PRKN: variants seen among roughly 807,000 people sequenced by gnomAD.
The protein encoded by PRKN is parkin RBR E3 ubiquitin protein ligase, also known as E3 ubiquitin-protein ligase parkin.
Under a neutral mutation model 59.5 loss-of-function variants are expected in PRKN, and 56 were observed. The observed-to-expected ratio is 0.94, with a 90% CI of 0.76 to 1.18. PRKN has a LOEUF of 1.18. Ranked by LOEUF, PRKN falls within the 50% of genes most tolerant of loss-of-function variation. The pLI, the probability that PRKN is intolerant of heterozygous loss-of-function variation, is 0.00. For missense variants in PRKN, 657 were observed against 596.4 expected, an observed-to-expected ratio of 1.10 and a Z score of -1.06; for synonymous variants, 250 against 222.1, an observed-to-expected ratio of 1.13 and a Z score of -1.12.
At chr6:161,872,735 G>T (rs1396468933) in intron 6 of PRKN, among the ~76,000 whole-genome samples, 1 of 152,044 alleles carries the variant, frequency 6.6e-6, no homozygotes, top group Admixed American at 6.6e-5. Flanking sequence ...CTGGGACTAG[G>T]ACTGTAACGG....
chr6:162,637,539 T>G (rs1178406712), intron 1 of PRKN, among the ~76,000 whole-genome samples: 1 of 152,106 alleles, frequency 6.6e-6, no homozygotes, highest in East Asian at 1.9e-4. Context: ...GGGCTCGACT[T>G]TGACCTTCAC....
intron 4 of PRKN, among the ~76,000 whole-genome samples, chr6:162,193,187 C>A (rs1280297315): frequency 6.6e-6 from 1 of 152,190 alleles, no homozygotes; most frequent in Non-Finnish European, 1.5e-5. Context: ...CTTTAATTAA[C>A]TGACATCATC....
intron 2 of PRKN, among the ~76,000 whole-genome samples, chr6:162,337,707 C>T (rs1414095510): frequency 6.6e-6 from 1 of 152,110 alleles, no homozygotes; most frequent in Non-Finnish European, 1.5e-5. Context: ...GCTGTGAGGA[C>T]ACCTGGGTCT....
At chr6:161,694,236 A>G (rs1785922739) in intron 7 of PRKN, among the ~76,000 whole-genome samples, 1 of 152,172 alleles carries the variant, frequency 6.6e-6, no homozygotes, top group South Asian at 2.1e-4. Flanking sequence ...TAATAGTAAT[A>G]ATAATAAGAA....
rs540585065 is a variant in PRKN at position 162,398,649 on chromosome 6, C to G, written c.171+44661G>C. On this transcript the variant is annotated intron_variant, in intron 2 of 11. Coordinates refer to ENST00000366898, the MANE Select transcript of PRKN (RefSeq NM_004562.3). Reference sequence around the variant, plus strand: ...AGGTGATCCACCCGCCTCAGCCTCCCAAAGTGCTGGGATTACAGGCGTGAG... The same window carrying G: ...AGGTGATCCACCCGCCTCAGCCTCCGAAAGTGCTGGGATTACAGGCGTGAG... Among the ~76,000 whole-genome samples the G allele has an allele frequency of 2.1e-3, 322 of 152,294 alleles. 1 individual carries two copies. Among genetic ancestry groups the G allele is most frequent in the African/African-American group, 7.5e-3 (312 of 41,562 alleles).
At chr6:162,010,501 AAT>A (rs1413620213) in intron 5 of PRKN, among the ~76,000 whole-genome samples, 2 of 44,302 alleles carry the variant, frequency 4.5e-5, no homozygotes, top group African/African-American at 1.1e-4. Flanking sequence ...TATATTATAT[AAT>A]ATATTATATT....
rs1428093307 is a variant in PRKN, at chr6:161,385,118, C to G, written c.1167+1676G>C. Among the ~76,000 whole-genome samples the G allele has an allele frequency of 6.6e-6, 1 of 152,028 alleles. No homozygotes were observed. The highest frequency in any genetic ancestry group is 1.5e-5 in the Non-Finnish European group (1 of 68,004). On this transcript the variant is annotated intron_variant, in intron 10 of 11. Coordinates refer to ENST00000366898, the MANE Select transcript of PRKN (RefSeq NM_004562.3). The surrounding 1 kb of genome is among the most constrained non-coding windows in gnomAD (Gnocchi z 4.9). ...CTAATTTTTGTATTTTTAGTAGAGA[C>G]GGGGTTTCACCATGTTGGCCAGGCT...
intron 2 of PRKN, among the ~76,000 whole-genome samples, chr6:162,274,315 T>C (rs1274007303): frequency 6.6e-6 from 1 of 151,994 alleles, no homozygotes; most frequent in African/African-American, 2.4e-5. Flanking sequence ...GCCTCCCCAG[T>C]AGCTGGGACA....
intron 7 of PRKN, among the ~76,000 whole-genome samples, chr6:161,664,513 C>A (rs893063185): frequency 6.7e-6 from 1 of 149,710 alleles, no homozygotes; most frequent in Non-Finnish European, 1.5e-5. Context: ...CTTTAAAATA[C>A]AGCCTAATAC....
chr6:162,716,877 GCTCT>G (rs1466249549), intron 1 of PRKN, among the ~76,000 whole-genome samples: 2 of 152,096 alleles, frequency 1.3e-5, no homozygotes, highest in Non-Finnish European at 2.9e-5. Flanking sequence ...TCAAGTTGTA[GCTCT>G]CTGTCATTCT....
chr6:162,431,981 G>T (rs1434408187), intron 2 of PRKN, among the ~76,000 whole-genome samples: 1 of 152,118 alleles, frequency 6.6e-6, no homozygotes, highest in Non-Finnish European at 1.5e-5. Flanking sequence ...ATCATTAGAA[G>T]AATTTCCCCC....
intron 6 of PRKN, among the ~76,000 whole-genome samples, chr6:161,861,593 T>A (rs985001542): frequency 7.5e-6 from 1 of 132,826 alleles, no homozygotes; most frequent in African/African-American, 3.0e-5. Context: ...AAAAGTAAAA[T>A]TTTTTTAAAA....
chr6:162,351,291 C>A (rs2128131150), intron 2 of PRKN, among the ~76,000 whole-genome samples: 1 of 152,260 alleles, frequency 6.6e-6, no homozygotes, highest in South Asian at 2.1e-4. Flanking sequence ...GACACTGCAG[C>A]AAAGAAGACA....
chr6:162,727,283 AGGGGCGAAGGTGAGGGGCGGCGGC>A lies in PRKN; in HGVS notation c.7+355_7+378del. The A allele has an allele frequency of 6.6e-3, 1,745 of 266,016 alleles. 12 individuals carry two copies. Among genetic ancestry groups the A allele is most frequent in the Non-Finnish European group, 7.9e-3 (1,137 of 144,288 alleles). 16.5% of individuals were successfully genotyped at this position (266,016 alleles called of 1,614,324 possible). On this transcript the variant is annotated intron_variant, in intron 1 of 11. Coordinates refer to ENST00000366898, the MANE Select transcript of PRKN (RefSeq NM_004562.3). ...CGCACCACAACCGGCCAGTGAGGTG[AGGGGCGAAGGTGAGGGGCGGCGGC>A]GGGGCGAAGGTGAGGGGCGGCGGCG...
At position 161,561,512 on chromosome 6, in the gene PRKN, C is replaced by T. The variant is rs928055677; in HGVS notation, c.933+7843G>A. Among the ~76,000 whole-genome samples the T allele has an allele frequency of 6.6e-6, 1 of 152,142 alleles. No homozygotes were observed. Among genetic ancestry groups the T allele is most frequent in the Non-Finnish European group, 1.5e-5 (1 of 68,028 alleles). On this transcript the variant is annotated intron_variant, in intron 8 of 11. Coordinates refer to ENST00000366898, the MANE Select transcript of PRKN (RefSeq NM_004562.3). The surrounding 1 kb of genome is among the most constrained non-coding windows in gnomAD (Gnocchi z 5.0). ...AGCAGTGAAAAATGACATCTTCCTT[C>T]GTGGAGCCATCATACTGCATCTCTC...
At chr6:162,031,283 A>G (rs966251673) in intron 5 of PRKN, among the ~76,000 whole-genome samples, 9 of 151,874 alleles carry the variant, frequency 5.9e-5, no homozygotes, top group Non-Finnish European at 1.3e-4. Flanking sequence ...AATATATGTT[A>G]TCATTCAAAT....
chr6:161,907,300 G>T, intron 6 of PRKN, among the ~76,000 whole-genome samples: 1 of 152,082 alleles, frequency 6.6e-6, no homozygotes, highest in South Asian at 2.1e-4. Flanking sequence ...AGGCAAAATC[G>T]TCAAGGGTTT....
chr6:162,425,384 G>A (rs1789184258), intron 2 of PRKN, among the ~76,000 whole-genome samples: 1 of 152,116 alleles, frequency 6.6e-6, no homozygotes, highest in African/African-American at 2.4e-5. Flanking sequence ...AGGGAGAGAA[G>A]CAATACACCC....
At chr6:162,444,955 A>G (rs1376636307) in intron 1 of PRKN, among the ~76,000 whole-genome samples, 1 of 152,206 alleles carries the variant, frequency 6.6e-6, no homozygotes, top group African/African-American at 2.4e-5. Context: ...ATTTAAAAAT[A>G]ATGGACATTT....
Sources: allele counts gnomAD v4.1 joint callset (sites outside exome capture counted in the v4.1 genomes callset), GRCh38; gene constraint gnomAD v4.1.1; non-coding constraint Gnocchi (gnomAD v3.1); transcripts MANE v1.5; gene names NCBI Gene and HGNC (gene_info 2026-07-23, HGNC 2026-07-21).